PPP2R2B: variants seen among roughly 807,000 people sequenced by gnomAD.
PPP2R2B encodes the protein serine/threonine-protein phosphatase 2A 55 kDa regulatory subunit B beta isoform.
Under a neutral mutation model 46.0 loss-of-function variants are expected in PPP2R2B, and 5 were observed. The ratio of observed to expected loss-of-function variants is 0.11; its 90% CI spans 0.06 to 0.23. The LOEUF (loss-of-function observed/expected upper bound fraction) is 0.23, where lower values mean the gene tolerates loss of function less well. Ranked by LOEUF, PPP2R2B falls within the 10% of genes least tolerant of loss-of-function variation. The probability of loss-of-function intolerance (pLI) is 1.00; values close to 1 mark genes in which losing one functional copy is unlikely to be tolerated. For missense variants in PPP2R2B, 367 were observed against 575.0 expected, an observed-to-expected ratio of 0.64 and a Z score of 3.70; for synonymous variants, 215 against 206.7, an observed-to-expected ratio of 1.04 and a Z score of -0.34.
intron 1 of PPP2R2B, among the ~76,000 whole-genome samples, chr5:146,915,791 T>G (rs748959427): frequency 6.6e-5 from 10 of 152,192 alleles, no homozygotes; most frequent in Non-Finnish European, 7.3e-5. Context: ...GCCCAAATTC[T>G]TGTGCTTGCC....
intron 2 of PPP2R2B, among the ~76,000 whole-genome samples, chr5:146,822,080 T>A (rs1371676848): frequency 6.6e-6 from 1 of 152,190 alleles, no homozygotes; most frequent in Non-Finnish European, 1.5e-5. Flanking sequence ...AAAAATGATA[T>A]AGCTGTCCAA....
At chr5:146,656,553 C>T (rs926113291) in intron 5 of PPP2R2B, 1 of 152,104 alleles carries the variant, frequency 6.6e-6, no homozygotes, top group East Asian at 1.9e-4. Flanking sequence ...TCCCTCACTC[C>T]CGGGAGGCCA....
At chr5:146,636,616 C>T (rs1259427442) in intron 7 of PPP2R2B, among the ~76,000 whole-genome samples, 2 of 152,010 alleles carry the variant, frequency 1.3e-5, no homozygotes, top group Admixed American at 1.3e-4. Flanking sequence ...ATGGCTTGGC[C>T]CCACCAGAAC....
In PPP2R2B at chr5:146,810,463, GGAGGCAA is replaced by G. The variant is rs1561925136; in HGVS notation, c.70+67532_70+67538del. Among the ~76,000 whole-genome samples the G allele has an allele frequency of 2.0e-5, 3 of 152,164 alleles. No homozygotes were observed. In the East Asian group the frequency reaches 5.8e-4, roughly 29 times the overall value. ...ATTCCGCTGGGTCCATCTCACAACA[GGAGGCAA>G]TTATGGGAGCTACAATTCAAGATGA... On this transcript the variant is annotated intron_variant, in intron 2 of 9. Transcript: ENST00000394411.
chr5:146,901,762 A>T (rs779185990), intron 1 of PPP2R2B, among the ~76,000 whole-genome samples: 1 of 152,080 alleles, frequency 6.6e-6, no homozygotes, highest in Non-Finnish European at 1.5e-5. Flanking sequence ...AATACTTTCC[A>T]TTGAGGTAAC....
At chr5:146,897,955 C>T (rs748478360) in intron 1 of PPP2R2B, among the ~76,000 whole-genome samples, 10 of 152,046 alleles carry the variant, frequency 6.6e-5, no homozygotes, top group Non-Finnish European at 1.3e-4. Flanking sequence ...TTTGGGAGGC[C>T]GAGGCAGGTG....
rs534225317 is a variant in PPP2R2B, at chr5:147,041,185, T to TG, written c.79+14479dup. On this transcript the variant is annotated intron_variant, in intron 1 of 8. Transcript: ENST00000336640. Reference sequence around the variant, plus strand: ...TTGGGTTAACCGCTCTGCAAGATGGTGGGCAGGATCTAAAAAGGGCTTCCA... The same window carrying TG: ...TTGGGTTAACCGCTCTGCAAGATGGTGGGGCAGGATCTAAAAAGGGCTTCCA... 1.4e-4 allele frequency among the ~76,000 whole-genome samples: 21 copies of TG among 152,262 alleles called. No individual in the cohort carries two copies. In the South Asian group the frequency reaches 3.7e-3, roughly 27 times the overall value.
At chr5:146,813,180 G>T (rs540469249) in intron 2 of PPP2R2B, among the ~76,000 whole-genome samples, 30 of 151,408 alleles carry the variant, frequency 2.0e-4, no homozygotes, top group Non-Finnish European at 3.4e-4. Flanking sequence ...AGAGTATGAA[G>T]CAGTGCCTAG....
At chr5:146,935,034 T>G (rs1410361528) in intron 1 of PPP2R2B, among the ~76,000 whole-genome samples, 1 of 152,202 alleles carries the variant, frequency 6.6e-6, no homozygotes, top group Non-Finnish European at 1.5e-5. Flanking sequence ...GTATTGAACT[T>G]ATATTAGTTT....
chr5:146,769,076 C>A (rs1480307799), intron 2 of PPP2R2B, among the ~76,000 whole-genome samples: 1 of 152,090 alleles, frequency 6.6e-6, no homozygotes, highest in Non-Finnish European at 1.5e-5. Context: ...CAGGGTTTTG[C>A]CATGTTGGCC....
chr5:146,590,748 C>T (rs552208608), intron 9 of PPP2R2B, among the ~76,000 whole-genome samples: 18 of 152,206 alleles, frequency 1.2e-4, no homozygotes, highest in South Asian at 6.2e-4. Context: ...GCATCGTGCA[C>T]GAACCCGGGG....
At chr5:146,635,912 T>C (rs1465670972) in intron 7 of PPP2R2B, among the ~76,000 whole-genome samples, 1 of 152,220 alleles carries the variant, frequency 6.6e-6, no homozygotes, top group Non-Finnish European at 1.5e-5. Context: ...CATTGAACAA[T>C]TCATATCACG....
chr5:146,960,051 T>C (rs1484271061), intron 1 of PPP2R2B, among the ~76,000 whole-genome samples: 1 of 152,204 alleles, frequency 6.6e-6, no homozygotes, highest in African/African-American at 2.4e-5. Flanking sequence ...CCTTCTTTCC[T>C]AACCCTCTGT....
At chr5:146,915,950 A>G (rs1243647875) in intron 1 of PPP2R2B, among the ~76,000 whole-genome samples, 2 of 152,190 alleles carry the variant, frequency 1.3e-5, no homozygotes, top group East Asian at 1.9e-4. Flanking sequence ...CTCACCCTCC[A>G]GGGGTGATGG....
intron 1 of PPP2R2B, among the ~76,000 whole-genome samples, chr5:147,028,728 G>T (rs1168315281): frequency 1.3e-5 from 2 of 152,148 alleles, no homozygotes; most frequent in African/African-American, 4.8e-5. Context: ...TACTGTATGG[G>T]TATGTGCAGT....
In PPP2R2B at chr5:146,707,498, G is replaced by A. The variant is rs544874854; in HGVS notation, c.71-6356C>T. ...GCTGCCCACTCAGGAGAAGCTCAAG[G>A]AGCTGATGCAGACACCAGGCCCACT... On this transcript the variant is annotated intron_variant, in intron 2 of 9. Coordinates refer to ENST00000394411, the MANE Select transcript of PPP2R2B (RefSeq NM_181675.4). The A allele has an allele frequency of 9.5e-6, 7 of 739,322 alleles. No individual in the cohort carries two copies. The African/African-American group carries it at 1.0e-4, about 11-fold the overall frequency. The allele number at this position is 739,322 out of a possible 1,614,324, so 45.8% of individuals were successfully genotyped here.
At chr5:147,038,982 C>A (rs372050455) in intron 1 of PPP2R2B, among the ~76,000 whole-genome samples, 15 of 152,230 alleles carry the variant, frequency 9.9e-5, no homozygotes, top group African/African-American at 2.6e-4. Context: ...ACAACTGCAA[C>A]CCCCACCATG....
chr5:146,898,827 C>T (rs1433945147), intron 1 of PPP2R2B, among the ~76,000 whole-genome samples: 1 of 135,314 alleles, frequency 7.4e-6, no homozygotes, highest in African/African-American at 3.1e-5. Flanking sequence ...CATGAACAGA[C>T]ACTTCTCAAA....
At chr5:147,078,086 A>G (rs962393637) in intron 2 of PPP2R2B, among the ~76,000 whole-genome samples, 2 of 152,184 alleles carry the variant, frequency 1.3e-5, no homozygotes, top group African/African-American at 2.4e-5. Flanking sequence ...TGTACTTAAT[A>G]TTTTTTGTTT....
Sources: gnomAD v4.1 joint callset for allele counts (sites outside exome capture counted in the v4.1 genomes callset) on GRCh38, gnomAD v4.1.1 for gene constraint, MANE v1.5 for transcripts, NCBI Gene and HGNC (gene_info 2026-07-23, HGNC 2026-07-21) for gene names.